Variants in MEGF6 observed in about 807,000 individuals in gnomAD.
MEGF6 encodes multiple EGF like domains 6.
In MEGF6, 184 loss-of-function variants were observed where a neutral mutation model predicts 207.1. That is an observed-to-expected ratio of 0.89 (90% CI 0.79 to 1.00). The LOEUF is 1.00. MEGF6 is among the 50% of genes least tolerant of loss of function. The probability of loss-of-function intolerance (pLI) is 0.00; values close to 1 mark genes in which losing one functional copy is unlikely to be tolerated. For missense variants in MEGF6, 2,282 were observed against 2,202.9 expected (o/e 1.04, Z -0.72); for synonymous variants, 1,038 against 910.0 (o/e 1.14, Z -2.53).
In MEGF6 at chr1:3,511,669, A is replaced by G. The variant is rs772703725; in HGVS notation, c.995T>C (p.Val332Ala). ...GCCGTTGTTGGCCTCACAGCTGTTC[A>G]CGATTTCCATCTCAATCCCTGCCGT... ...RQCYRIEMEI[V>A]NSCEANNGGC... The change falls in exon 9 of 37, where the codon GTG (valine) becomes GCG (alanine). Residue 332 changes from valine to alanine, a missense_variant. Physicochemically the swap from Val to Ala is moderately conservative, Grantham distance 64. Transcript: ENST00000356575. The G allele has an allele frequency of 6.2e-7, 1 of 1,609,280 alleles. No homozygotes were observed. Among genetic ancestry groups the G allele is most frequent in the South Asian group, 1.1e-5 (1 of 90,944 alleles).
chr1:3,527,353 G>C lies in MEGF6; in HGVS notation c.482-3107C>G, dbSNP rs1642001983. 2.0e-5 allele frequency among the ~76,000 whole-genome samples: 3 copies of C among 152,360 alleles called. No individual in the cohort carries two copies. The South Asian group carries it at 6.2e-4, about 32-fold the overall frequency. On this transcript the variant is annotated intron_variant, in intron 4 of 36. Transcript: ENST00000356575. The stretch of plus-strand genomic sequence containing the variant: ...TGCTGCCCATCCACGCTCTGAGAAT[G>C]TGCCTGCAACCCAGAGATGACACGA...
At chr1:3,513,713 C>T (rs1641435383) in intron 7 of MEGF6, among the ~76,000 whole-genome samples, 1 of 149,528 alleles carries the variant, frequency 6.7e-6, no homozygotes, top group South Asian at 2.1e-4. Context: ...GCCTCAGATT[C>T]CGGAGTAGCT....
chr1:3,610,814 G>T (rs1644314429), intron 1 of MEGF6, among the ~76,000 whole-genome samples: 2 of 151,702 alleles, frequency 1.3e-5, no homozygotes, highest in African/African-American at 4.8e-5. Flanking sequence ...GGGCTCTGGG[G>T]CCAGACCCTG....
At chr1:3,557,354 T>TC (rs1643065891) in intron 4 of MEGF6, among the ~76,000 whole-genome samples, 1 of 152,120 alleles carries the variant, frequency 6.6e-6, no homozygotes, top group Non-Finnish European at 1.5e-5. Flanking sequence ...GAACGCAGCT[T>TC]CCCCCGCAGA....
intron 4 of MEGF6, among the ~76,000 whole-genome samples, chr1:3,524,985 G>A (rs72853542): frequency 5.9e-5 from 9 of 152,284 alleles, no homozygotes; most frequent in East Asian, 1.9e-4. Flanking sequence ...GCGTGGCCCC[G>A]CGGACACCTT....
chr1:3,575,053 A>G (rs1643603662), intron 4 of MEGF6, among the ~76,000 whole-genome samples: 1 of 152,238 alleles, frequency 6.6e-6, no homozygotes, highest in Non-Finnish European at 1.5e-5. Flanking sequence ...AGAGATCTGT[A>G]GAGACTTTTG....
intron 12 of MEGF6, 75 bp from the exon 13 acceptor site, chr1:3,508,764 C>T (rs1402389555): frequency 6.4e-7 from 1 of 1,565,148 alleles, no homozygotes; most frequent in African/African-American, 1.4e-5. Context: ...CGGCTCAGAC[C>T]CTCAGGCCAG....
the MEGF6 span, chr1:3,624,334 G>C: frequency 6.6e-6 from 1 of 152,270 alleles, no homozygotes; most frequent in Non-Finnish European, 1.5e-5. Flanking sequence ...TGCGAGCGCT[G>C]ACCGGGATCT....
At chr1:3,542,432 A>G (rs920051977) in intron 4 of MEGF6, among the ~76,000 whole-genome samples, 7 of 152,106 alleles carry the variant, frequency 4.6e-5, no homozygotes, top group African/African-American at 1.7e-4. Context: ...TTGCATGGAC[A>G]CCTGCCAGGG....
rs41307852 is a variant in MEGF6, at chr1:3,499,938, C to T, written c.2708-14G>A. On this transcript the variant is annotated splice_polypyrimidine_tract_variant and intron_variant, in intron 21 of 36. Coordinates refer to ENST00000356575, the MANE Select transcript of MEGF6 (RefSeq NM_001409.4). ...CCTGGGGACACTCTGAGATATGCAG[C>T]CCCGGCCCACAGTCAGCCAGAGGGC... 33,861 of 1,549,096 alleles carry T rather than the reference C, an allele frequency of 0.022. 448 individuals are homozygous for T. Among genetic ancestry groups the T allele is most frequent in the Non-Finnish European group, 0.026 (29,863 of 1,147,458 alleles).
chr1:3,572,304 TTC>T (rs1643524591), intron 4 of MEGF6, among the ~76,000 whole-genome samples: 1 of 119,734 alleles, frequency 8.4e-6, no homozygotes, highest in African/African-American at 3.2e-5. Context: ...TGCTGGGTCC[TTC>T]CTGGGTGTGC....
intron 1 of MEGF6, among the ~76,000 whole-genome samples, chr1:3,605,128 A>G (rs1477572921): frequency 7.4e-6 from 1 of 134,462 alleles, no homozygotes; most frequent in Non-Finnish European, 1.6e-5. Flanking sequence ...CCACTCATAC[A>G]CACACCCACA....
At chr1:3,506,948 C>T (rs1013421041) in intron 14 of MEGF6, among the ~76,000 whole-genome samples, 13 of 152,248 alleles carry the variant, frequency 8.5e-5, no homozygotes, top group South Asian at 2.1e-4. Flanking sequence ...GACCCCTCAA[C>T]GCTGCAGGCA....
At chr1:3,525,337 G>A (rs1391301380) in intron 4 of MEGF6, among the ~76,000 whole-genome samples, 4 of 152,236 alleles carry the variant, frequency 2.6e-5, no homozygotes, top group African/African-American at 9.6e-5. Context: ...GGCGGTAGAG[G>A]GGAGTAGGAG....
chr1:3,559,951 C>A (rs1643146799), intron 4 of MEGF6, among the ~76,000 whole-genome samples: 1 of 148,386 alleles, frequency 6.7e-6, no homozygotes, highest in African/African-American at 2.5e-5. Context: ...GCGGAGGTTG[C>A]AGTGAGCCGA....
At position 3,560,909 on chromosome 1, in the gene MEGF6, T is replaced by A. The variant is rs1643182024; in HGVS notation, c.481+18916A>T. On this transcript the variant is annotated intron_variant, in intron 4 of 36. Transcript: ENST00000356575. The surrounding 1 kb of genome is among the most constrained non-coding windows in gnomAD (Gnocchi z 4.0). ...GGGTGCTGGGCTCTACCCCCAGGCCTCTACTACCCTCTGGCACACATCCAT... is the reference window on the plus strand; with the variant it reads ...GGGTGCTGGGCTCTACCCCCAGGCCACTACTACCCTCTGGCACACATCCAT... 2.5e-6 allele frequency: 1 copy of A among 404,072 alleles called. No individual in the cohort carries two copies. Among genetic ancestry groups the A allele is most frequent in the Non-Finnish European group, 5.0e-6 (1 of 200,322 alleles). 25.0% of individuals were successfully genotyped at this position (404,072 alleles called of 1,614,324 possible).
chr1:3,575,323 C>T (rs910076350), intron 4 of MEGF6, among the ~76,000 whole-genome samples: 1 of 152,096 alleles, frequency 6.6e-6, no homozygotes, highest in African/African-American at 2.4e-5. Context: ...TCTGATGGGA[C>T]CCCAAAGTCC....
intron 4 of MEGF6, among the ~76,000 whole-genome samples, chr1:3,562,771 T>C (rs7525042): frequency 6.6e-6 from 1 of 151,958 alleles, no homozygotes; most frequent in Non-Finnish European, 1.5e-5. Flanking sequence ...GCCTCTGTTG[T>C]TCATGCACCT....
intron 4 of MEGF6, among the ~76,000 whole-genome samples, chr1:3,549,609 C>T (rs1047349210): frequency 2.0e-5 from 3 of 152,188 alleles, no homozygotes; most frequent in Admixed American, 1.3e-4. Context: ...ATCAATTCAC[C>T]GAAGACACTG....
Sources: allele counts gnomAD v4.1 joint callset (sites outside exome capture counted in the v4.1 genomes callset), GRCh38; gene constraint gnomAD v4.1.1; non-coding constraint Gnocchi (gnomAD v3.1); transcripts MANE v1.5; gene names NCBI Gene and HGNC (gene_info 2026-07-23, HGNC 2026-07-21).